Variants in PPP2R1B observed in about 807,000 individuals in gnomAD.
PPP2R1B encodes serine/threonine-protein phosphatase 2A 65 kDa regulatory subunit A beta isoform.
In PPP2R1B, 58 loss-of-function variants were observed where a neutral mutation model predicts 72.7. The ratio of observed to expected loss-of-function variants is 0.80; its 90% CI spans 0.65 to 0.99. The LOEUF is 0.99. Ranked by LOEUF, PPP2R1B falls within the 50% of genes least tolerant of loss-of-function variation. PPP2R1B has a pLI of 0.00. For synonymous variants in PPP2R1B, 256 were observed against 264.6 expected (o/e 0.97, Z 0.32); for missense variants, 695 against 733.6 (o/e 0.95, Z 0.61).
intron 5 of PPP2R1B, 137 bp from the exon 6 acceptor site, chr11:111,755,587 T>TTTC: frequency 2.6e-6 from 2 of 773,722 alleles, no homozygotes; most frequent in Non-Finnish European, 3.7e-6. Context: ...TTGACATCTT[T>TTTC]TTCTTTTTTT....
chr11:111,733,470 G>A (rs74445009), downstream of PPP2R1B, among the ~76,000 whole-genome samples: 998 of 152,276 alleles, frequency 6.6e-3, 8 homozygotes, highest in Middle Eastern at 0.054. Context: ...CTTCTCAAAG[G>A]GAGAACTGAG....
At chr11:111,741,810 C>T (rs1944529849) in intron 14 of PPP2R1B, among the ~76,000 whole-genome samples, 198 bp from the exon 15 acceptor site, 1 of 152,164 alleles carries the variant, frequency 6.6e-6, no homozygotes, top group African/African-American at 2.4e-5. Context: ...ACTATTCTTA[C>T]CAGTGAGAAT....
chr11:111,689,342 G>A, the PPP2R1B span, among the ~76,000 whole-genome samples: 4 of 152,302 alleles, frequency 2.6e-5, no homozygotes, highest in Non-Finnish European at 4.4e-5. Flanking sequence ...AGATTTGCAT[G>A]TCAGAAATAT....
chr11:111,737,838 T>TG, downstream of PPP2R1B: 1 of 1,271,600 alleles, frequency 7.9e-7, no homozygotes, highest in Non-Finnish European at 1.0e-6. Flanking sequence ...TGGTCACTGA[T>TG]GGTCTCCAGA....
chr11:111,743,809 A>G (rs1418357519), intron 11 of PPP2R1B, among the ~76,000 whole-genome samples: 1 of 152,270 alleles, frequency 6.6e-6, no homozygotes, highest in Non-Finnish European at 1.5e-5. Flanking sequence ...CACAGAAGAT[A>G]CTTTCCCTCA....
chr11:111,720,941 C>A, the PPP2R1B span: 1 of 1,614,102 alleles, frequency 6.2e-7, no homozygotes, highest in Non-Finnish European at 8.5e-7. Flanking sequence ...CTGGCTAGAA[C>A]CAAAGGAATT....
In PPP2R1B at chr11:111,755,441, G is replaced by A. The variant is rs376765814; in HGVS notation, c.697C>T (p.Arg233Cys). 4.1e-5 allele frequency: 65 copies of A among 1,602,446 alleles called. No homozygotes were observed. In the East Asian group the frequency reaches 4.7e-4, roughly 12 times the overall value. The change falls in exon 6 of 15, where the codon CGC (arginine) becomes TGC (cysteine). Residue 233 changes from arginine to cysteine, a missense_variant. Transcript: ENST00000527614. ...SLASDEQDSV[R>C]LLAVEACVSI... ...ACACAAGCTTCCACAGCAAGGAGGCGCACTGAATCCTAAAGGAACAAAATT... is the reference window on the plus strand; with the variant it reads ...ACACAAGCTTCCACAGCAAGGAGGCACACTGAATCCTAAAGGAACAAAATT...
At chr11:111,761,179 A>G in intron 3 of PPP2R1B, 128 bp from the exon 4 acceptor site, 1 of 838,874 alleles carries the variant, frequency 1.2e-6, no homozygotes. Flanking sequence ...CATCATACCA[A>G]ATGGTTACTT....
chr11:111,729,320 A>G (rs1944102670), intron 15 of PPP2R1B: 1 of 152,212 alleles, frequency 6.6e-6, no homozygotes, highest in South Asian at 2.1e-4. Flanking sequence ...ACCCAGGGAG[A>G]GCTGTGATGG....
In PPP2R1B at chr11:111,766,241, C is replaced by G; in HGVS notation, c.114+7G>C. On this transcript the variant is annotated splice_region_variant and intron_variant, in intron 1 of 14. Coordinates refer to ENST00000527614, the MANE Select transcript of PPP2R1B (RefSeq NM_002716.5). ...CTCGCCTCGGGTCCCCGGCCTCAGT[C>G]CAGTACCTGCACGTCTTCATTGCGG... 3 of 1,613,756 alleles carry G rather than the reference C, an allele frequency of 1.9e-6. No individual in the cohort carries two copies. Among genetic ancestry groups the G allele is most frequent in the Non-Finnish European group, 8.5e-7 (1 of 1,179,778 alleles).
chr11:111,722,241 T>C (rs1157158823), downstream of PPP2R1B, among the ~76,000 whole-genome samples: 1 of 152,172 alleles, frequency 6.6e-6, no homozygotes, highest in Non-Finnish European at 1.5e-5. This position sits in a 1 kb window ranked among gnomAD's most constrained non-coding sequence, Gnocchi z 4.4. Context: ...GAGTAACAAA[T>C]AAAATGAAAA....
At chr11:111,722,214 A>T (rs1943823169), downstream of PPP2R1B, among the ~76,000 whole-genome samples, 1 of 152,198 alleles carries the variant, frequency 6.6e-6, no homozygotes, top group East Asian at 1.9e-4. The surrounding 1 kb of genome is among the most constrained non-coding windows in gnomAD (Gnocchi z 4.4). Context: ...TTTCTTTCTA[A>T]TTGTATTCCT....
At chr11:111,728,663 T>A (rs1333137024) in intron 15 of PPP2R1B, 2 of 148,122 alleles carry the variant, frequency 1.4e-5, no homozygotes, top group Non-Finnish European at 3.0e-5. Flanking sequence ...GCGCGGTGGC[T>A]CACGCCTGTA....
At chr11:111,723,432 T>G, downstream of PPP2R1B, 5 of 1,502,626 alleles carry the variant, frequency 3.3e-6, no homozygotes, top group Non-Finnish European at 4.5e-6. Context: ...GGTATTGCAT[T>G]TACATTAAAA....
the PPP2R1B span, among the ~76,000 whole-genome samples, chr11:111,715,628 G>A: frequency 6.6e-6 from 1 of 152,102 alleles, no homozygotes. Flanking sequence ...AGATAAGAAT[G>A]GTTGGATCAG....
the PPP2R1B span, chr11:111,701,158 T>C: frequency 1.8e-6 from 2 of 1,140,096 alleles, no homozygotes; most frequent in Admixed American, 3.1e-5. This position sits in a 1 kb window ranked among gnomAD's most constrained non-coding sequence, Gnocchi z 4.2. Flanking sequence ...CAGAGCATCT[T>C]GAAATGGATC....
chr11:111,712,373 A>G, the PPP2R1B span: 2 of 1,613,478 alleles, frequency 1.2e-6, no homozygotes, highest in Non-Finnish European at 8.5e-7. Context: ...GGACACTCCA[A>G]AGGTACGGCT....
intron 5 of PPP2R1B, 140 bp from the exon 6 acceptor site, chr11:111,755,590 C>CTTTTTTTTTTT: frequency 2.4e-6 from 1 of 421,824 alleles, no homozygotes; most frequent in Non-Finnish European, 3.7e-6. Flanking sequence ...ACATCTTTTT[C>CTTTTTTTTTTT]TTTTTTTTTT....
intron 11 of PPP2R1B, among the ~76,000 whole-genome samples, chr11:111,746,288 C>T (rs1944700895): frequency 6.6e-6 from 1 of 151,928 alleles, no homozygotes; most frequent in African/African-American, 2.4e-5. Context: ...GAATACTATG[C>T]GGCCATAAAA....
Sources: gnomAD v4.1 joint callset for allele counts (sites outside exome capture counted in the v4.1 genomes callset) on GRCh38, gnomAD v4.1.1 for gene constraint, Gnocchi (gnomAD v3.1) non-coding constraint, MANE v1.5 for transcripts, NCBI Gene and HGNC (gene_info 2026-07-23, HGNC 2026-07-21) for gene names.